The following KMT5B variants were observed in gnomAD, a reference collection of about 807,000 sequenced individuals.
KMT5B encodes lysine methyltransferase 5B.
In KMT5B, 10 loss-of-function variants were observed where a neutral mutation model predicts 83.2. The observed-to-expected ratio is 0.12, with a 90% confidence interval of 0.07 to 0.20. The LOEUF is 0.20. Ranked by LOEUF, KMT5B falls within the 10% of genes least tolerant of loss-of-function variation. KMT5B has a pLI of 1.00. For synonymous variants in KMT5B, 349 were observed against 388.8 expected, an observed-to-expected ratio of 0.90 and a Z score of 1.20; for missense variants, 753 against 1,067.2, an observed-to-expected ratio of 0.71 and a Z score of 4.10.
chr11:68,197,137 AT>A (rs1017532546), intron 1 of KMT5B, among the ~76,000 whole-genome samples: 1 of 150,772 alleles, frequency 6.6e-6, no homozygotes. Context: ...CACCTGGCTA[AT>A]TTTTTTTTGC....
intron 1 of KMT5B, among the ~76,000 whole-genome samples, chr11:68,190,826 T>A (rs889009868): frequency 4.0e-5 from 6 of 151,280 alleles, no homozygotes; most frequent in African/African-American, 1.5e-4. Context: ...CTACAGAAAA[T>A]AAAAAAGTGA....
At chr11:68,209,867 CT>C (rs368207944) in intron 1 of KMT5B, among the ~76,000 whole-genome samples, 15,215 of 141,144 alleles carry the variant, frequency 0.11, 789 homozygotes, top group East Asian at 0.22. Flanking sequence ...TTCTTTCCCC[CT>C]TTTTTTTTTT....
At chr11:68,186,346 G>A (rs1168656510) in intron 2 of KMT5B, among the ~76,000 whole-genome samples, 3 of 152,216 alleles carry the variant, frequency 2.0e-5, no homozygotes, top group East Asian at 3.8e-4. Flanking sequence ...TCTGCAAGAA[G>A]CGCCAGAACT....
chr11:68,182,888 C>T (rs1857077648), intron 3 of KMT5B, among the ~76,000 whole-genome samples: 1 of 151,884 alleles, frequency 6.6e-6, no homozygotes, highest in African/African-American at 2.4e-5. Context: ...AGGCATGTGC[C>T]ACCACGCCTG....
intron 1 of KMT5B, among the ~76,000 whole-genome samples, chr11:68,209,126 G>C (rs74538877): frequency 0.038 from 5,845 of 152,224 alleles, 152 homozygotes; most frequent in Middle Eastern, 0.071. Flanking sequence ...TCCATATGAT[G>C]CAACATAAAC....
intron 10 of KMT5B, chr11:68,164,551 TAACA>T (rs1590933343): frequency 2.2e-6 from 1 of 445,098 alleles, no homozygotes; most frequent in Admixed American, 2.5e-5. Flanking sequence ...GAACATGACT[TAACA>T]TACAATGGTC....
At chr11:68,178,426 G>A (rs1405678207) in intron 4 of KMT5B, among the ~76,000 whole-genome samples, 2 of 152,152 alleles carry the variant, frequency 1.3e-5, no homozygotes, top group Non-Finnish European at 2.9e-5. Flanking sequence ...TACCTTCCCT[G>A]TGTTGACTTC....
chr11:68,190,097 A>AGGT lies in KMT5B; in HGVS notation c.-24_-22dup, dbSNP rs984119864. The stretch of plus-strand genomic sequence containing the variant: ...TTCATACCCACAGACAGCCTGACCC[A>AGGT]GGTGCATTTAGTCACTCTCTTCAAA... On this transcript the variant is annotated 5_prime_UTR_variant, in exon 2 of 11. Transcript: ENST00000304363. 1.4e-5 allele frequency: 22 copies of AGGT among 1,610,042 alleles called. No individual in the cohort carries two copies. Among genetic ancestry groups the AGGT allele is most frequent in the Non-Finnish European group, 1.8e-5 (21 of 1,177,412 alleles).
At chr11:68,201,843 G>A (rs2153084432) in intron 1 of KMT5B, among the ~76,000 whole-genome samples, 1 of 151,836 alleles carries the variant, frequency 6.6e-6, no homozygotes, top group East Asian at 1.9e-4. Flanking sequence ...ACTTAGGGAG[G>A]CCGAAGCAGG....
chr11:68,199,292 C>T (rs947997438), intron 1 of KMT5B, among the ~76,000 whole-genome samples: 20 of 151,980 alleles, frequency 1.3e-4, no homozygotes, highest in African/African-American at 4.6e-4. Flanking sequence ...AATGTCGGCA[C>T]CTTTTGGGGG....
In KMT5B at chr11:68,161,678, C is replaced by G. The variant is rs541413997; in HGVS notation, c.1175-2507G>C. On this transcript the variant is annotated intron_variant, in intron 10 of 10. Transcript: ENST00000304363. ...AATGTGACACTGATAACCACTTTTT[C>G]TTGAGAAAACCTTTCTTCTCTTGGC... Among the ~76,000 whole-genome samples the G allele has an allele frequency of 2.6e-5, 4 of 152,272 alleles. No individual in the cohort carries two copies. In the East Asian group the frequency reaches 5.8e-4, roughly 22 times the overall value.
chr11:68,173,782 C>A, intron 6 of KMT5B, 22 bp downstream of exon 6: 1 of 1,359,092 alleles, frequency 7.4e-7, no homozygotes, highest in Non-Finnish European at 1.0e-6. Context: ...AAATTAAAGG[C>A]TTATACTAGT....
At chr11:68,212,666 G>C (rs1861066308) in intron 1 of KMT5B, 1 of 152,232 alleles carries the variant, frequency 6.6e-6, no homozygotes, top group African/African-American at 2.4e-5. Flanking sequence ...GCCGGGCCAC[G>C]GCCAGGGGCG....
intron 1 of KMT5B, among the ~76,000 whole-genome samples, chr11:68,212,282 A>C (rs1177704339): frequency 2.0e-5 from 3 of 151,814 alleles, no homozygotes; most frequent in African/African-American, 7.3e-5. Flanking sequence ...CAATCAATCA[A>C]ATTAATTCAC....
intron 1 of KMT5B, among the ~76,000 whole-genome samples, chr11:68,201,589 AT>A (rs933528394): frequency 1.3e-5 from 2 of 152,196 alleles, no homozygotes; most frequent in African/African-American, 4.8e-5. Context: ...TAAAAAAAAA[AT>A]CTGTCAAAAA....
chr11:68,164,688 G>A, intron 10 of KMT5B: 1 of 513,506 alleles, frequency 1.9e-6, no homozygotes, highest in Non-Finnish European at 3.9e-6. Context: ...GCTGCAGAAA[G>A]GGAATTTGAA....
chr11:68,168,337 A>ATT (rs879352613), intron 9 of KMT5B, among the ~76,000 whole-genome samples: 8 of 138,870 alleles, frequency 5.8e-5, no homozygotes, highest in Non-Finnish European at 6.3e-5. Flanking sequence ...TGTTATTAGA[A>ATT]TTTTTTTTTT....
At chr11:68,209,754 C>T (rs1047058121) in intron 1 of KMT5B, among the ~76,000 whole-genome samples, 1 of 152,034 alleles carries the variant, frequency 6.6e-6, no homozygotes, top group African/African-American at 2.4e-5. Flanking sequence ...GGTCTAAAAC[C>T]TTCATCTTTA....
chr11:68,205,683 T>C (rs1860011841), intron 1 of KMT5B, among the ~76,000 whole-genome samples: 1 of 151,046 alleles, frequency 6.6e-6, no homozygotes, highest in Admixed American at 6.6e-5. Flanking sequence ...TGCAGTGGCA[T>C]GATCTCAGCT....
Sources: gnomAD v4.1 joint callset for allele counts (sites outside exome capture counted in the v4.1 genomes callset) on GRCh38, gnomAD v4.1.1 for gene constraint, MANE v1.5 for transcripts, NCBI Gene and HGNC (gene_info 2026-07-23, HGNC 2026-07-21) for gene names.